ULK2: variants seen among roughly 807,000 people sequenced by gnomAD.
ULK2 encodes serine/threonine-protein kinase ULK2.
Under a neutral mutation model 127.5 loss-of-function variants are expected in ULK2, and 76 were observed. The observed-to-expected ratio is 0.60, with a 90% CI of 0.50 to 0.72. ULK2 has a LOEUF of 0.72. ULK2 is among the 30% of genes least tolerant of loss of function. The pLI, the probability that ULK2 is intolerant of heterozygous loss-of-function variation, is 0.00. For synonymous variants in ULK2, 452 were observed against 461.9 expected, an observed-to-expected ratio of 0.98 and a Z score of 0.28; for missense variants, 1,144 against 1,295.9, an observed-to-expected ratio of 0.88 and a Z score of 1.80.
At chr17:19,820,049 A>AT (rs199698459) in intron 12 of ULK2, among the ~76,000 whole-genome samples, 2,497 of 48,992 alleles carry the variant, frequency 0.051, 119 homozygotes, top group African/African-American at 0.16. Context: ...CTGCAACTTT[A>AT]TTTATTTTTT....
At position 19,781,057 on chromosome 17, in the gene ULK2, G is replaced by A. The variant is rs780072901; in HGVS notation, c.2687C>T (p.Ala896Val). The A allele has an allele frequency of 2.2e-5, 35 of 1,613,714 alleles. No homozygotes were observed. The highest frequency in any genetic ancestry group is 3.3e-5 in the South Asian group (3 of 91,058). Residue 896 changes from alanine to valine, a missense_variant, in exon 24 of 27, where the codon GCG becomes GTG. Around this residue, in one of 2 missense-constraint regions of ULK2, gnomAD observed 913 missense variants for 970.5 expected, o/e 0.94. Transcript: ENST00000395544. ...VLYMKAAQLLAASLHLAKAQI... is the reference protein window; with the variant it reads ...VLYMKAAQLLVASLHLAKAQI... ...GGCTTTGGCAAGATGCAGAGAAGCCGCAAGCAGCTGTGCTGCTTTCATGTA... is the reference window on the plus strand; with the variant it reads ...GGCTTTGGCAAGATGCAGAGAAGCCACAAGCAGCTGTGCTGCTTTCATGTA...
chr17:19,813,966 GA>G (rs1472519740), intron 13 of ULK2, among the ~76,000 whole-genome samples: 1 of 152,070 alleles, frequency 6.6e-6, no homozygotes, highest in Non-Finnish European at 1.5e-5. Context: ...TATGTGGGGG[GA>G]AAGGGCCAAG....
In ULK2 at chr17:19,771,309, T is replaced by C. The variant is rs1289002638; in HGVS notation, c.*5040A>G. 1 of 152,216 alleles carries C rather than the reference T, an allele frequency of 6.6e-6. No individual in the cohort carries two copies. Among genetic ancestry groups the C allele is most frequent in the East Asian group, 1.9e-4 (1 of 5,200 alleles). 9.4% of individuals were successfully genotyped at this position (152,216 alleles called of 1,614,324 possible). On this transcript the variant is annotated 3_prime_UTR_variant, in exon 27 of 27. Transcript: ENST00000395544. ...TGAGGATCAAATGAATTAACAATTA[T>C]CAGACTGACACAAACATTCCACTTA... is the stretch of plus-strand genomic sequence containing the variant.
At chr17:19,843,619 G>C (rs896512554) in intron 7 of ULK2, among the ~76,000 whole-genome samples, 2 of 151,508 alleles carry the variant, frequency 1.3e-5, no homozygotes, top group Admixed American at 6.6e-5. Flanking sequence ...CAATCAGGGA[G>C]AGGTACAAAA....
intron 3 of ULK2, among the ~76,000 whole-genome samples, chr17:19,853,583 T>G (rs1382088805): frequency 1.3e-5 from 2 of 151,246 alleles, no homozygotes; most frequent in Non-Finnish European, 3.0e-5. Flanking sequence ...TTCTTTTTTT[T>G]TTTTTGAGAC....
intron 23 of ULK2, 137 bp downstream of exon 23, chr17:19,781,752 T>C (rs1597705183): frequency 2.0e-6 from 2 of 982,882 alleles, no homozygotes; most frequent in Admixed American, 6.0e-5. Flanking sequence ...TAGTGAAATG[T>C]AGTACAAAGA....
At chr17:19,847,166 C>T (rs2041903573) in intron 5 of ULK2, among the ~76,000 whole-genome samples, 1 of 152,074 alleles carries the variant, frequency 6.6e-6, no homozygotes, top group South Asian at 2.1e-4. Flanking sequence ...TTTTGCTTTT[C>T]CTTCATGTTT....
At chr17:19,785,839 A>C (rs1043758938) in intron 21 of ULK2, 98 bp downstream of exon 21, 83 of 1,420,374 alleles carry the variant, frequency 5.8e-5, no homozygotes, top group Non-Finnish European at 7.7e-5. Flanking sequence ...AAGCCCAGAG[A>C]ATTAAGTGAC....
chr17:19,809,280 G>C (rs2087577622), intron 14 of ULK2, among the ~76,000 whole-genome samples: 1 of 151,986 alleles, frequency 6.6e-6, no homozygotes, highest in South Asian at 2.1e-4. Flanking sequence ...GAGGGGAAGG[G>C]GAAACGGGGA....
rs112835187 is a variant in ULK2, at chr17:19,777,224, C to T, written c.3052+357G>A. ...GGTTCAAGCGATTCTCCTGTCTCAG[C>T]CTCCCGAGCAGTGGAGCTTACAGGT... On this transcript the variant is annotated intron_variant, in intron 26 of 26. Transcript: ENST00000395544. 1.4e-3 allele frequency among the ~76,000 whole-genome samples: 212 copies of T among 152,316 alleles called. 1 individual carries two copies. The highest frequency in any genetic ancestry group is 5.0e-3 in the African/African-American group (206 of 41,572).
rs370791103 is a variant in ULK2 at position 19,795,823 on chromosome 17, T to C, written c.1998-98A>G. The stretch of plus-strand genomic sequence containing the variant: ...AGAGAATGAGGAAACAAGAAATAGA[T>C]ACCAAACAATTCAGGGTAGAGATAA... On this transcript the variant is annotated intron_variant, in intron 19 of 26. Transcript: ENST00000395544. 7.5e-4 allele frequency: 861 copies of C among 1,141,272 alleles called. 19 individuals are homozygous for C. The South Asian group carries it at 0.011, about 14-fold the overall frequency. The allele number at this position is 1,141,272 out of a possible 1,614,324, so 70.7% of individuals were successfully genotyped here.
At chr17:19,820,689 G>A (rs761556731) in intron 12 of ULK2, among the ~76,000 whole-genome samples, 8 of 152,146 alleles carry the variant, frequency 5.3e-5, no homozygotes, top group Non-Finnish European at 1.0e-4. Context: ...AGTGGCTCAC[G>A]CTTCTATGAC....
intron 16 of ULK2, among the ~76,000 whole-genome samples, chr17:19,801,038 A>C (rs1211322057): frequency 6.6e-6 from 1 of 152,154 alleles, no homozygotes; most frequent in East Asian, 1.9e-4. Flanking sequence ...ATCTGTAACA[A>C]AGCTGCCACC....
intron 20 of ULK2, among the ~76,000 whole-genome samples, chr17:19,790,035 A>C (rs553889110): frequency 3.0e-4 from 46 of 152,304 alleles, no homozygotes; most frequent in African/African-American, 1.1e-3. Context: ...ATATAAAGAG[A>C]AACAACAAAA....
At chr17:19,815,579 C>A (rs934130206) in intron 13 of ULK2, among the ~76,000 whole-genome samples, 2 of 152,208 alleles carry the variant, frequency 1.3e-5, no homozygotes, top group African/African-American at 4.8e-5. Flanking sequence ...CTGCGCCCAG[C>A]AACTTATGGC....
chr17:19,853,733 G>A (rs1238991843), intron 3 of ULK2, among the ~76,000 whole-genome samples: 8 of 151,916 alleles, frequency 5.3e-5, no homozygotes, highest in Middle Eastern at 3.4e-3. Flanking sequence ...CACCACTCCC[G>A]GCTAATTTTT....
intron 22 of ULK2, among the ~76,000 whole-genome samples, chr17:19,783,464 A>G (rs2086962694): frequency 6.6e-6 from 1 of 152,226 alleles, no homozygotes. Context: ...AAAAAAAGAA[A>G]GAAAGAAAAA....
chr17:19,854,755 G>A (rs1597816086), intron 3 of ULK2, among the ~76,000 whole-genome samples: 1 of 151,966 alleles, frequency 6.6e-6, no homozygotes, highest in African/African-American at 2.4e-5. Context: ...TGAAACCTAG[G>A]GGTCATTAAA....
intron 14 of ULK2, among the ~76,000 whole-genome samples, chr17:19,809,237 CAG>C (rs1567692378): frequency 6.6e-6 from 1 of 151,982 alleles, no homozygotes; most frequent in Non-Finnish European, 1.5e-5. Flanking sequence ...TTCATAGAAA[CAG>C]AGAGCAGAAT....
Sources: allele counts gnomAD v4.1 joint callset (sites outside exome capture counted in the v4.1 genomes callset), GRCh38; gene constraint gnomAD v4.1.1; regional missense constraint gnomAD v4.1.1; transcripts MANE v1.5; gene names NCBI Gene and HGNC (gene_info 2026-07-23, HGNC 2026-07-21).